The following LINS1 variants were observed in gnomAD, a reference collection of about 807,000 sequenced individuals.
LINS1 encodes protein Lines homolog 1.
In LINS1, 27 loss-of-function variants were observed where a neutral mutation model predicts 41.6. The ratio of observed to expected loss-of-function variants is 0.65; its 90% confidence interval spans 0.48 to 0.89. The LOEUF (loss-of-function observed/expected upper bound fraction) is 0.89, where lower values mean the gene tolerates loss of function less well. Among genes scored for constraint, LINS1 ranks in the 40% least tolerant of loss-of-function variants. LINS1 has a pLI of 0.00. For missense variants in LINS1, 955 were observed against 884.1 expected, an observed-to-expected ratio of 1.08 and a Z score of -1.02; for synonymous variants, 336 against 312.9, an observed-to-expected ratio of 1.07 and a Z score of -0.78.
At position 100,568,581 on chromosome 15, in the gene LINS1, C is replaced by T. The variant is rs2037637463; in HGVS notation, c.*657G>A. The T allele has an allele frequency of 6.6e-6, 1 of 152,484 alleles. No homozygotes were observed. The highest frequency in any genetic ancestry group is 1.5e-5 in the Non-Finnish European group (1 of 68,268). 9.4% of individuals were successfully genotyped at this position (152,484 alleles called of 1,614,324 possible). A position where few individuals can be genotyped will look rare whatever the true frequency, so the allele number is the denominator to read the frequency against. On this transcript the variant is annotated 3_prime_UTR_variant, in exon 7 of 7. Transcript: ENST00000314742. ...TTCTCCAGACCCTGAGGGCATTGCCCTGCTGAAGCCTGAGTTTGGATTCTG... is the reference window on the plus strand; with the variant it reads ...TTCTCCAGACCCTGAGGGCATTGCCTTGCTGAAGCCTGAGTTTGGATTCTG...
At chr15:100,579,893 G>T (rs1309377983) in intron 3 of LINS1, among the ~76,000 whole-genome samples, 1 of 152,180 alleles carries the variant, frequency 6.6e-6, no homozygotes, top group Admixed American at 6.5e-5. Flanking sequence ...CTCAGGTTAA[G>T]AATCTGATTA....
rs2039225205 is a variant in LINS1 at position 100,595,969 on chromosome 15, C to A, written c.-104+6152G>T. Among the ~76,000 whole-genome samples the A allele has an allele frequency of 3.9e-5, 6 of 152,356 alleles. No homozygotes were observed. The South Asian group carries it at 1.2e-3, about 32-fold the overall frequency. On this transcript the variant is annotated intron_variant, in intron 1 of 6. Transcript: ENST00000314742. ...TGGGTCTGGTTAGACAAGAGCACCT[C>A]CCTCCCCTATTAAAAGAAGTGGGGC...
At chr15:100,600,021 G>C (rs771111949) in intron 1 of LINS1, among the ~76,000 whole-genome samples, 1 of 152,076 alleles carries the variant, frequency 6.6e-6, no homozygotes, top group Non-Finnish European at 1.5e-5. Context: ...AGCCAAGCTC[G>C]CACCACTGTA....
At chr15:100,578,510 A>G (rs936665084) in intron 3 of LINS1, among the ~76,000 whole-genome samples, 9 of 149,504 alleles carry the variant, frequency 6.0e-5, no homozygotes, top group African/African-American at 1.7e-4. Context: ...GCGATCATTA[A>G]AAAGTCAGGA....
chr15:100,570,116 C>A lies in LINS1; in HGVS notation c.1396G>T (p.Gly466Ter). The part of the protein sequence containing the change: ...SLGIYLTLTR[G>*]CEATESLTQG... Reference sequence around the variant, plus strand: ...GTCAAGCTTTCAGTGGCTTCACATCCTCTGAAAATGAAGATAATGGAGAAT... The same window carrying A: ...GTCAAGCTTTCAGTGGCTTCACATCATCTGAAAATGAAGATAATGGAGAAT... Residue 466 changes from glycine to a stop codon, truncating the protein, a stop_gained and splice_region_variant, in exon 7 of 7, where the codon GGA (glycine) becomes TGA (stop). Transcript: ENST00000314742. LOFTEE classifies it low-confidence loss of function (END_TRUNC). The A allele has an allele frequency of 1.3e-6, 2 of 1,585,564 alleles. No individual in the cohort carries two copies. Among genetic ancestry groups the A allele is most frequent in the Non-Finnish European group, 1.7e-6 (2 of 1,173,562 alleles).
Position 100,572,019 on chromosome 15 carries a change from A to T in LINS1, c.1269T>A (p.Pro423=). The T allele has an allele frequency of 6.2e-7, 1 of 1,614,230 alleles. No individual in the cohort carries two copies. The highest frequency in any genetic ancestry group is 8.5e-7 in the Non-Finnish European group (1 of 1,180,036). The change falls in exon 6 of 7, where the codon CCT becomes CCA. Residue 423 remains proline (P), a synonymous_variant. Coordinates refer to ENST00000314742, the MANE Select transcript of LINS1 (RefSeq NM_001040616.3). The part of the protein sequence containing the change: ...FMSELLTFLK[P]HLQPSLQLHN... Reference sequence around the variant, plus strand: ...GTAATTGCAGAGAGGGCTGAAGATGAGGCTTTAAGAAGGTCAGTAACTCAG... The same window carrying T: ...GTAATTGCAGAGAGGGCTGAAGATGTGGCTTTAAGAAGGTCAGTAACTCAG...
chr15:100,569,437 G>A lies in LINS1; in HGVS notation c.2075C>T (p.Ser692Phe), dbSNP rs1250553618. 1.2e-6 allele frequency: 2 copies of A among 1,614,118 alleles called. No homozygotes were observed. Among genetic ancestry groups the A allele is most frequent in the Non-Finnish European group, 8.5e-7 (1 of 1,179,990 alleles). Residue 692 changes from serine (S) to phenylalanine (F), a missense_variant, in exon 7 of 7, where the codon TCC becomes TTC. By Grantham distance (155) the Ser-to-Phe change is radical (BLOSUM62 -2). Transcript: ENST00000314742. Reference protein sequence around the residue: ...LVLKEFDTAFSFDCEVAPNDV... With the variant: ...LVLKEFDTAFFFDCEVAPNDV... ...ATTTGGGGCTACTTCACAATCAAAG[G>A]AGAAGGCAGTATCAAATTCTTTCAG... is the stretch of plus-strand genomic sequence containing the variant.
Position 100,569,136 on chromosome 15 carries a change from A to AAG in LINS1, c.*101_*102insCT, listed in dbSNP as rs1426265271. On this transcript the variant is annotated 3_prime_UTR_variant, in exon 7 of 7. Coordinates refer to ENST00000314742, the MANE Select transcript of LINS1 (RefSeq NM_001040616.3). ...AGATTCTGTCTCAAAAAAAAAAAAAAAAAAGAAAACCCTTTTATGGTGATG... is the reference window on the plus strand; with the variant it reads ...AGATTCTGTCTCAAAAAAAAAAAAAAAGAAAAGAAAACCCTTTTATGGTGATG... The AAG allele has an allele frequency of 5.6e-3, 4,519 of 802,400 alleles. 10 individuals carry two copies. Among genetic ancestry groups the AAG allele is most frequent in the Non-Finnish European group, 7.3e-3 (3,703 of 509,778 alleles). 49.7% of individuals were successfully genotyped at this position (802,400 alleles called of 1,614,324 possible).
At chr15:100,597,099 CTCTTT>C (rs1567103150) in intron 1 of LINS1, among the ~76,000 whole-genome samples, 1 of 152,182 alleles carries the variant, frequency 6.6e-6, no homozygotes. Flanking sequence ...ATCCAGGCTC[CTCTTT>C]TGAGTGTGCA....
chr15:100,581,033 C>T lies in LINS1; in HGVS notation c.-103-88G>A, dbSNP rs752356282. The T allele has an allele frequency of 8.7e-4, 479 of 548,122 alleles. 1 individual carries two copies. Among genetic ancestry groups the T allele is most frequent in the Middle Eastern group, 1.4e-3 (3 of 2,090 alleles). 34.0% of individuals were successfully genotyped at this position (548,122 alleles called of 1,614,324 possible). A position where few individuals can be genotyped will look rare whatever the true frequency, so the allele number is the denominator to read the frequency against. ...CTGTTTCCACTTAATCACTAAGTCT[C>T]TCAAGTTAAAGGGGATGCTGACTGC... On this transcript the variant is annotated intron_variant, in intron 1 of 6. Coordinates refer to ENST00000314742, the MANE Select transcript of LINS1 (RefSeq NM_001040616.3).
rs560895013 is a variant in LINS1 at position 100,599,267 on chromosome 15, C to T, written c.-104+2854G>A. Among the ~76,000 whole-genome samples, 7 of 152,284 alleles carry T rather than the reference C, an allele frequency of 4.6e-5. No homozygotes were observed. In the South Asian group the frequency reaches 1.2e-3, roughly 27 times the overall value. On this transcript the variant is annotated intron_variant, in intron 1 of 6. Coordinates refer to ENST00000314742, the MANE Select transcript of LINS1 (RefSeq NM_001040616.3). ...TCAATATTAACTTGTTATAAATATT[C>T]CGCAATCTAAACTGCTTTTACATCA...
chr15:100,587,534 T>C (rs1306680611), intron 1 of LINS1, among the ~76,000 whole-genome samples: 1 of 152,218 alleles, frequency 6.6e-6, no homozygotes, highest in Non-Finnish European at 1.5e-5. Context: ...TTCATTCATT[T>C]GCTGTTTATT....
At chr15:100,593,579 T>C (rs1297762785) in intron 1 of LINS1, among the ~76,000 whole-genome samples, 1 of 150,358 alleles carries the variant, frequency 6.7e-6, no homozygotes, top group East Asian at 2.0e-4. Flanking sequence ...GGGTGCTTAA[T>C]TATCATACCC....
chr15:100,594,092 C>G (rs8033689), intron 1 of LINS1, among the ~76,000 whole-genome samples: 49,329 of 152,090 alleles, frequency 0.32, 9,213 homozygotes, highest in Non-Finnish European at 0.44. Flanking sequence ...TGCATATAAA[C>G]TGTGCACATC....
chr15:100,572,415 CAG>C, intron 5 of LINS1: 1 of 1,107,832 alleles, frequency 9.0e-7, no homozygotes, highest in Non-Finnish European at 1.1e-6. Context: ...CATCGGATGC[CAG>C]AGCTGTCTGT....
chr15:100,575,821 T>G (rs1456056192), intron 3 of LINS1, among the ~76,000 whole-genome samples: 1 of 152,154 alleles, frequency 6.6e-6, no homozygotes, highest in African/African-American at 2.4e-5. Context: ...CACAACAAAC[T>G]GTCTCTCAGA....
chr15:100,599,479 G>A (rs2039381203), intron 1 of LINS1, among the ~76,000 whole-genome samples: 1 of 152,114 alleles, frequency 6.6e-6, no homozygotes, highest in African/African-American at 2.4e-5. Context: ...AAAAACAAAT[G>A]GCCAGAAATA....
intron 1 of LINS1, among the ~76,000 whole-genome samples, chr15:100,584,063 T>C (rs1254397348): frequency 1.3e-5 from 2 of 152,184 alleles, no homozygotes; most frequent in East Asian, 3.8e-4. Context: ...GCCTGATATA[T>C]TGTCTGTCAC....
chr15:100,595,995 A>G (rs1361085021), intron 1 of LINS1, among the ~76,000 whole-genome samples: 1 of 152,226 alleles, frequency 6.6e-6, no homozygotes, highest in Non-Finnish European at 1.5e-5. Flanking sequence ...GAAGTGGGGC[A>G]GATATCTTCC....
Sources: allele counts gnomAD v4.1 joint callset (sites outside exome capture counted in the v4.1 genomes callset), GRCh38; gene constraint gnomAD v4.1.1; transcripts MANE v1.5; gene names NCBI Gene and HGNC (gene_info 2026-07-23, HGNC 2026-07-21).